Variants in TTN observed in about 807,000 individuals in gnomAD.
The protein encoded by TTN is connectin.
TTN carries 1,525 observed loss-of-function variants against 3,223.0 expected under a neutral mutation model. That is an observed-to-expected ratio of 0.47 (90% CI 0.45 to 0.49). The LOEUF (loss-of-function observed/expected upper bound fraction) is 0.49. TTN is among the 20% of genes least tolerant of loss of function. The probability of loss-of-function intolerance (pLI) is 0.00; values close to 1 mark genes in which losing one functional copy is unlikely to be tolerated. For synonymous variants in TTN, 14,094 were observed against 15,161.0 expected (o/e 0.93, Z 5.17); for missense variants, 40,786 against 43,424.0 (o/e 0.94, Z 5.40).
intron 155 of TTN, among the ~76,000 whole-genome samples, chr2:178,671,716 TAGTC>T (rs2067012625): frequency 6.6e-6 from 1 of 151,798 alleles, no homozygotes; most frequent in South Asian, 2.1e-4. Context: ...GTAACATTCT[TAGTC>T]AGATTTAAAA....
chr2:178,745,232 C>T lies in TTN; in HGVS notation c.11312-3311G>A, dbSNP rs540688221. On this transcript the variant is annotated intron_variant, in intron 47 of 362. Coordinates refer to ENST00000589042, the MANE Select transcript of TTN (RefSeq NM_001267550.2). ...TCTCCACTTTTACATTGTACTTTTG[C>T]ATATATGGTTTATCTGCTAAAAGAG... 155 of 1,082,688 alleles carry T rather than the reference C, an allele frequency of 1.4e-4. 4 individuals carry two copies. The South Asian group carries it at 4.3e-3, about 30-fold the overall frequency. The allele number at this position is 1,082,688 out of a possible 1,614,324, so 67.1% of individuals were successfully genotyped here. A position where few individuals can be genotyped will look rare whatever the true frequency, so the allele number is the denominator to read the frequency against.
At position 178,557,388 on chromosome 2, in the gene TTN, T is replaced by C. The variant is rs1445509592; in HGVS notation, c.87874A>G (p.Ile29292Val). Residue 29292 changes from isoleucine to valine, a missense_variant, in exon 329 of 363, where the codon ATC (isoleucine) becomes GTC (valine). Ile to Val is a conservative substitution (Grantham distance 29, BLOSUM62 3). Coordinates refer to ENST00000589042, the MANE Select transcript of TTN (RefSeq NM_001267550.2). Reference protein sequence around the residue: ...ILWQKANKLVIRTTHFKVTTI... With the variant: ...ILWQKANKLVVRTTHFKVTTI... ...GTGACTTTGAAGTGAGTTGTGCGGA[T>C]GACCAGTTTGTTGGCTTTTTGCCAT... 2 of 1,613,866 alleles carry C rather than the reference T, an allele frequency of 1.2e-6. No homozygotes were observed. The highest frequency in any genetic ancestry group is 4.5e-5 in the East Asian group (2 of 44,880).
chr2:178,709,425 G>A (rs1479902023), intron 99 of TTN, 141 bp downstream of exon 99: 2 of 812,086 alleles, frequency 2.5e-6, no homozygotes, highest in African/African-American at 3.5e-5. Context: ...GTAAACATAT[G>A]GAGTGATAAA....
Position 178,621,086 on chromosome 2 carries a change from G to A in TTN, c.45616+16C>T, listed in dbSNP as rs556605702. On this transcript the variant is annotated intron_variant, in intron 246 of 362. Coordinates refer to ENST00000589042, the MANE Select transcript of TTN (RefSeq NM_001267550.2). ...AACAAACAAACAAAAAACCCTAAAA[G>A]CAAGAACAAACTTACCAATGACTGT... The A allele has an allele frequency of 2.2e-5, 35 of 1,609,742 alleles. No homozygotes were observed. The Admixed American group carries it at 4.6e-4, about 21-fold the overall frequency.
chr2:178,632,062 C>T, intron 236 of TTN, 85 bp downstream of exon 236: 2 of 1,408,428 alleles, frequency 1.4e-6, no homozygotes, highest in Non-Finnish European at 1.9e-6. Flanking sequence ...CAATATAACA[C>T]TTAGAAGACT....
At position 178,725,790 on chromosome 2, in the gene TTN, A is replaced by C; in HGVS notation, c.20532T>G (p.Cys6844Trp). 1 of 1,605,150 alleles carries C rather than the reference A, an allele frequency of 6.2e-7. No homozygotes were observed. The highest frequency in any genetic ancestry group is 1.7e-5 in the Admixed American group (1 of 59,376). The change falls in exon 70 of 363, where the codon TGT becomes TGG. Residue 6844 changes from cysteine to tryptophan, a missense_variant. Coordinates refer to ENST00000589042, the MANE Select transcript of TTN (RefSeq NM_001267550.2). ...KAQNEVGSDT[C>W]VCTVKLKEPP... is the part of the protein sequence containing the mutation. The stretch of plus-strand genomic sequence containing the variant: ...TACCTTTCAATTTTACAGTACAAAC[A>C]CAAGTATCACTTCCCACTTCATTCT...
At chr2:178,746,965 A>C in intron 47 of TTN, 1 of 1,613,500 alleles carries the variant, frequency 6.2e-7, no homozygotes. Context: ...AGAAATGCTC[A>C]TTTGGTGTAC....
intron 10 of TTN, among the ~76,000 whole-genome samples, chr2:178,791,705 G>A (rs920342263): frequency 3.3e-5 from 5 of 151,692 alleles, no homozygotes; most frequent in African/African-American, 9.7e-5. Flanking sequence ...GTGTGTGCAT[G>A]TAAAGTTTGT....
chr2:178,671,315 G>T, intron 155 of TTN, 145 bp from the exon 156 acceptor site: 1 of 559,006 alleles, frequency 1.8e-6, no homozygotes, highest in Non-Finnish European at 3.0e-6. Context: ...AAAGAGATTT[G>T]ATTTGCTAAA....
At position 178,543,223 on chromosome 2, in the gene TTN, C is replaced by T. The variant is rs866570041; in HGVS notation, c.96750G>A (p.Met32250Ile). 2 of 1,613,646 alleles carry T rather than the reference C, an allele frequency of 1.2e-6. No individual in the cohort carries two copies. The highest frequency in any genetic ancestry group is 1.3e-5 in the African/African-American group (1 of 74,876). ...EACKAGTERW[M>I]KVVTLKPTVL... Reference sequence around the variant, plus strand: ...CTGTGGGTTTTAAGGTGACAACCTTCATCCATCTCTCTGTGCCAGCTTTGC... The same window carrying T: ...CTGTGGGTTTTAAGGTGACAACCTTTATCCATCTCTCTGTGCCAGCTTTGC... The change falls in exon 347 of 363, where the codon ATG becomes ATA. Residue 32250 changes from methionine (M) to isoleucine (I), a missense_variant. Met to Ile is a conservative substitution (Grantham distance 10). Coordinates refer to ENST00000589042, the MANE Select transcript of TTN (RefSeq NM_001267550.2).
At chr2:178,631,659 A>C (rs1025748943) in intron 236 of TTN, among the ~76,000 whole-genome samples, 1 of 152,078 alleles carries the variant, frequency 6.6e-6, no homozygotes, top group African/African-American at 2.4e-5. Flanking sequence ...TCAGGTTCAC[A>C]TTGTTAGTTT....
At chr2:178,673,438 C>T (rs1470741291) in intron 152 of TTN, among the ~76,000 whole-genome samples, 195 bp downstream of exon 152, 8 of 151,524 alleles carry the variant, frequency 5.3e-5, no homozygotes, top group Non-Finnish European at 7.4e-5. Flanking sequence ...ATAATTCATA[C>T]GTAAACACAT....
chr2:178,664,986 C>G, intron 165 of TTN, 60 bp from the exon 166 acceptor site: 11 of 1,523,750 alleles, frequency 7.2e-6, no homozygotes, highest in Non-Finnish European at 8.9e-6. Flanking sequence ...AAACAGTAAC[C>G]ACAATAAGTT....
intron 33 of TTN, 37 bp from the exon 34 acceptor site, chr2:178,771,508 A>G: frequency 6.2e-7 from 1 of 1,613,062 alleles, no homozygotes; most frequent in Non-Finnish European, 8.5e-7. Flanking sequence ...AGTCCTTTAA[A>G]CATATTCACA....
At chr2:178,753,887 T>G (rs953216903) in intron 46 of TTN, 14 of 152,182 alleles carry the variant, frequency 9.2e-5, no homozygotes, top group African/African-American at 3.4e-4. Context: ...CTTGATGTTT[T>G]CTTTGACGAT....
Position 178,612,121 on chromosome 2 carries a change from T to A in TTN, c.50290A>T (p.Thr16764Ser). The change falls in exon 267 of 363, where the codon ACA becomes TCA. Residue 16764 changes from threonine (T) to serine (S), a missense_variant. Thr to Ser is a moderately conservative substitution (Grantham distance 58, BLOSUM62 1). Coordinates refer to ENST00000589042, the MANE Select transcript of TTN (RefSeq NM_001267550.2). Reference protein sequence around the residue: ...PPYALAVVDVTKRHVDLKWEP... With the variant: ...PPYALAVVDVSKRHVDLKWEP... ...CACTTTAGGTCAACATGTCGTTTTGTCACATCAACCACTGCCAGGGCGTAG... is the reference window on the plus strand; with the variant it reads ...CACTTTAGGTCAACATGTCGTTTTGACACATCAACCACTGCCAGGGCGTAG... The A allele has an allele frequency of 1.2e-6, 2 of 1,612,058 alleles. No homozygotes were observed. The highest frequency in any genetic ancestry group is 2.2e-5 in the South Asian group (2 of 90,912).
In TTN at chr2:178,682,865, G is replaced by C; in HGVS notation, c.32926C>G (p.Leu10976Val). 1 of 1,611,922 alleles carries C rather than the reference G, an allele frequency of 6.2e-7. No homozygotes were observed. Among genetic ancestry groups the C allele is most frequent in the Non-Finnish European group, 8.5e-7 (1 of 1,178,884 alleles). ...IMEEKERAYT[L>V]EEEAVSVQRE... ...TGTACTGAAACAGCTTCTTCTTCTA[G>C]GGTATAAGCCCTTTCTTTCTCTTCC... The change falls in exon 135 of 363, where the codon CTA (leucine) becomes GTA (valine). Residue 10976 changes from leucine to valine, a missense_variant. Physicochemically the swap from Leu to Val is conservative, Grantham distance 32. Coordinates refer to ENST00000589042, the MANE Select transcript of TTN (RefSeq NM_001267550.2).
chr2:178,640,924 A>C (rs2061158410), intron 220 of TTN, among the ~76,000 whole-genome samples: 1 of 151,926 alleles, frequency 6.6e-6, no homozygotes, highest in Non-Finnish European at 1.5e-5. Flanking sequence ...CAACCCATTT[A>C]AAAGCCCCCA....
intron 318 of TTN, 42 bp downstream of exon 318, chr2:178,579,897 G>A (rs2047308578): frequency 1.9e-6 from 3 of 1,612,258 alleles, no homozygotes; most frequent in African/African-American, 1.3e-5. Flanking sequence ...AACAAAGGAA[G>A]GATATAACTC....
Sources: gnomAD v4.1 joint callset for allele counts (sites outside exome capture counted in the v4.1 genomes callset) on GRCh38, gnomAD v4.1.1 for gene constraint, MANE v1.5 for transcripts, NCBI Gene and HGNC (gene_info 2026-07-23, HGNC 2026-07-21) for gene names.